Variants in ZNF99 observed in about 807,000 individuals in gnomAD.
The protein encoded by ZNF99 is zinc finger protein 99.
ZNF99 carries 8 observed loss-of-function variants against 12.8 expected under a neutral mutation model. The observed-to-expected ratio is 0.62, with a 90% CI of 0.37 to 1.13. The LOEUF (loss-of-function observed/expected upper bound fraction) is 1.13. Ranked by LOEUF, ZNF99 falls within the 50% of genes most tolerant of loss-of-function variation. The probability of loss-of-function intolerance (pLI) is 0.02; values close to 1 mark genes in which losing one functional copy is unlikely to be tolerated. For missense variants in ZNF99, 1,007 were observed against 1,006.2 expected (o/e 1.00, Z -0.01); for synonymous variants, 318 against 319.0 (o/e 1.00, Z 0.03).
chr19:22,781,438 C>T (rs1973387071), intron 1 of ZNF99, among the ~76,000 whole-genome samples: 1 of 110,640 alleles, frequency 9.0e-6, no homozygotes, highest in African/African-American at 3.3e-5. Context: ...TCGTTTGGGA[C>T]ACTATTTTTG....
At chr19:22,771,714 C>CG (rs1973272712) in intron 1 of ZNF99, among the ~76,000 whole-genome samples, 1 of 91,142 alleles carries the variant, frequency 1.1e-5, no homozygotes. Context: ...ACAGGTGAAA[C>CG]TTTTTTTTTT....
At position 22,759,253 on chromosome 19, in the gene ZNF99, T is replaced by C; in HGVS notation, c.656A>G (p.His219Arg). Reference protein sequence around the residue: ...AFKWFSTLIKHKIIHTEDKPY... With the variant: ...AFKWFSTLIKRKIIHTEDKPY... The stretch of plus-strand genomic sequence containing the variant: ...TTTGTCTTCAGTATGAATTATCTTA[T>C]GTTTAATAAGGGTTGAGAACCATTT... The change falls in exon 4 of 4, where the codon CAT (histidine) becomes CGT (arginine). Residue 219 changes from histidine (H) to arginine (R), a missense_variant. His to Arg is a conservative substitution (Grantham distance 29). Transcript: ENST00000596209. 2 of 1,554,234 alleles carry C rather than the reference T, an allele frequency of 1.3e-6. No individual in the cohort carries two copies. The highest frequency in any genetic ancestry group is 1.7e-6 in the Non-Finnish European group (2 of 1,150,140).
chr19:22,772,808 G>T (rs1410485724), intron 1 of ZNF99, among the ~76,000 whole-genome samples: 2 of 152,128 alleles, frequency 1.3e-5, no homozygotes, highest in African/African-American at 4.8e-5. Flanking sequence ...TGAAAACCTG[G>T]ATTCAGAATT....
chr19:22,768,497 C>T, intron 2 of ZNF99, 97 bp from the exon 3 acceptor site: 1 of 935,392 alleles, frequency 1.1e-6, no homozygotes. Flanking sequence ...GTAAATTGAT[C>T]CCTCAATACT....
rs1396699559 is a variant in ZNF99, at chr19:22,759,059, G to C, written c.850C>G (p.Pro284Ala). 1 of 1,613,580 alleles carries C rather than the reference G, an allele frequency of 6.2e-7. No homozygotes were observed. Among genetic ancestry groups the C allele is most frequent in the Non-Finnish European group, 8.5e-7 (1 of 1,179,766 alleles). Residue 284 changes from proline to alanine, a missense_variant, in exon 4 of 4, where the codon CCA (proline) becomes GCA (alanine). Transcript: ENST00000596209. ...KHKIIHTGKKPYKCEECGKAF... is the reference protein window; with the variant it reads ...KHKIIHTGKKAYKCEECGKAF... Reference sequence around the variant, plus strand: ...TTGCCACATTCTTCACATTTATATGGTTTCTTCCCAGTATGAATTATCTTA... The same window carrying C: ...TTGCCACATTCTTCACATTTATATGCTTTCTTCCCAGTATGAATTATCTTA...
Position 22,756,184 on chromosome 19 carries a change from T to C in ZNF99, c.*1130A>G. The stretch of plus-strand genomic sequence containing the variant: ...TAAGGTTTGTAAAATGGTTGAAAGC[T>C]TTGACACATTCTTCACATTTTTAGG... On this transcript the variant is annotated 3_prime_UTR_variant, in exon 4 of 4. Transcript: ENST00000596209. 6.4e-7 allele frequency: 1 copy of C among 1,555,336 alleles called. No homozygotes were observed. Among genetic ancestry groups the C allele is most frequent in the Non-Finnish European group, 8.7e-7 (1 of 1,145,020 alleles).
At chr19:22,769,850 A>C in intron 1 of ZNF99, 2 of 1,318,384 alleles carry the variant, frequency 1.5e-6, no homozygotes, top group Non-Finnish European at 2.0e-6. Context: ...AAGATCCACA[A>C]CACCAGCACA....
intron 1 of ZNF99, chr19:22,769,890 T>C (rs751584585): frequency 2.7e-5 from 36 of 1,356,866 alleles, no homozygotes; most frequent in Non-Finnish European, 3.4e-5. Context: ...TAATAAAGTA[T>C]AAAATTAAGG....
chr19:22,779,173 CT>C (rs1304142541), intron 1 of ZNF99, among the ~76,000 whole-genome samples: 1 of 152,108 alleles, frequency 6.6e-6, no homozygotes, highest in African/African-American at 2.4e-5. Context: ...CTTTTCTTAC[CT>C]ATCACATAGC....
At position 22,758,138 on chromosome 19, in the gene ZNF99, T is replaced by C. The variant is rs1849613316; in HGVS notation, c.1771A>G (p.Lys591Glu). 6.2e-7 allele frequency: 1 copy of C among 1,613,658 alleles called. No individual in the cohort carries two copies. ...CCACATTCTTCACATTTGTAGGGTTTCTCCCCAGTATGAATTGCTTTATGT... is the reference window on the plus strand; with the variant it reads ...CCACATTCTTCACATTTGTAGGGTTCCTCCCCAGTATGAATTGCTTTATGT... ...TRHKAIHTGE[K>E]PYKCEECGKA... The change falls in exon 4 of 4, where the codon AAA becomes GAA. Residue 591 changes from lysine to glutamate, a missense_variant. Coordinates refer to ENST00000596209, the MANE Select transcript of ZNF99 (RefSeq NM_001080409.3).
intron 1 of ZNF99, among the ~76,000 whole-genome samples, chr19:22,771,963 G>A (rs866583343): frequency 2.2e-3 from 300 of 135,148 alleles, no homozygotes; most frequent in African/African-American, 7.7e-3. Flanking sequence ...TGATCCGCCC[G>A]CCTCGGCCTC....
At position 22,756,834 on chromosome 19, in the gene ZNF99, G is replaced by C; in HGVS notation, c.*480C>G. ...AATTATCTCATGTTTTCTAAGGGCT[G>C]AGAAATGCTTAAAAGCTTTGCCACA... On this transcript the variant is annotated 3_prime_UTR_variant, in exon 4 of 4. Transcript: ENST00000596209. The C allele has an allele frequency of 6.2e-7, 1 of 1,611,536 alleles. No homozygotes were observed.
At position 22,759,081 on chromosome 19, in the gene ZNF99, C is replaced by G. The variant is rs756243801; in HGVS notation, c.828G>C (p.Lys276Asn). The G allele has an allele frequency of 6.2e-7, 1 of 1,613,510 alleles. No individual in the cohort carries two copies. Among genetic ancestry groups the G allele is most frequent in the Admixed American group, 1.7e-5 (1 of 59,980 alleles). Residue 276 changes from lysine to asparagine, a missense_variant, in exon 4 of 4, where the codon AAG becomes AAC. Coordinates refer to ENST00000596209, the MANE Select transcript of ZNF99 (RefSeq NM_001080409.3). ...FNNSSTLMKH[K>N]IIHTGKKPYK... ...ATGGTTTCTTCCCAGTATGAATTAT[C>G]TTATGTTTCATAAGGGTTGAGGAAT...
At position 22,756,242 on chromosome 19, in the gene ZNF99, G is replaced by GT. The variant is rs780017104; in HGVS notation, c.*1071dup. 72 of 1,541,872 alleles carry GT rather than the reference G, an allele frequency of 4.7e-5. 2 individuals carry two copies. The East Asian group carries it at 1.4e-3, about 31-fold the overall frequency. On this transcript the variant is annotated 3_prime_UTR_variant, in exon 4 of 4. Coordinates refer to ENST00000596209, the MANE Select transcript of ZNF99 (RefSeq NM_001080409.3). Reference sequence around the variant, plus strand: ...CCCAGTATGAATTATCTTATGTTTAGTAAGGGCTGAAAGATGGTTAAAAGC... The same window carrying GT: ...CCCAGTATGAATTATCTTATGTTTAGTTAAGGGCTGAAAGATGGTTAAAAGC...
chr19:22,774,971 A>G (rs771318782), intron 1 of ZNF99, among the ~76,000 whole-genome samples: 1 of 152,250 alleles, frequency 6.6e-6, no homozygotes, highest in Non-Finnish European at 1.5e-5. Context: ...CAAAATCATT[A>G]AAATGGCCAT....
rs1973117090 is a variant in ZNF99, at chr19:22,759,004, C to A, written c.905G>T (p.Arg302Ile). The change falls in exon 4 of 4, where the codon AGA (arginine) becomes ATA (isoleucine). Residue 302 changes from arginine to isoleucine, a missense_variant. Arg to Ile is a moderately conservative substitution (Grantham distance 97, BLOSUM62 -3). Coordinates refer to ENST00000596209, the MANE Select transcript of ZNF99 (RefSeq NM_001080409.3). ...KAFKQSSHLT[R>I]HKAIHTGEKP... ...CTCTCCAGTATGAATTGCTTTATGT[C>A]TAGTAAGGTGTGAGGATTGCTTAAA... 1 of 1,610,440 alleles carries A rather than the reference C, an allele frequency of 6.2e-7. No homozygotes were observed.
At position 22,754,460 on chromosome 19, in the gene ZNF99, T is replaced by G. The variant is rs1369613162; in HGVS notation, c.*2854A>C. 1 of 407,736 alleles carries G rather than the reference T, an allele frequency of 2.5e-6. No individual in the cohort carries two copies. The highest frequency in any genetic ancestry group is 4.8e-6 in the Non-Finnish European group (1 of 207,432). 25.3% of individuals were successfully genotyped at this position (407,736 alleles called of 1,614,324 possible). The stretch of plus-strand genomic sequence containing the variant: ...ATGTGTAATAAGGGTTGAAATGTTT[T>G]TAAAGCTTTTGTCACATTCTTCATA... On this transcript the variant is annotated 3_prime_UTR_variant, in exon 4 of 4. Transcript: ENST00000596209.
rs62119151 is a variant in ZNF99 at position 22,757,174 on chromosome 19, C to A, written c.*140G>T. 4.3e-6 allele frequency: 7 copies of A among 1,610,854 alleles called. No homozygotes were observed. In the Admixed American group the frequency reaches 1.2e-4, roughly 27 times the overall value. On this transcript the variant is annotated 3_prime_UTR_variant, in exon 4 of 4. Coordinates refer to ENST00000596209, the MANE Select transcript of ZNF99 (RefSeq NM_001080409.3). Reference sequence around the variant, plus strand: ...CTTTATGTCTAGTAAGGTGTGAGGACTGCTTAAAAGCTTTGCCACATTCTT... The same window carrying A: ...CTTTATGTCTAGTAAGGTGTGAGGAATGCTTAAAAGCTTTGCCACATTCTT...
Position 22,758,569 on chromosome 19 carries a change from T to C in ZNF99, c.1340A>G (p.His447Arg). 6.2e-7 allele frequency: 1 copy of C among 1,613,408 alleles called. No homozygotes were observed. The highest frequency in any genetic ancestry group is 8.5e-7 in the Non-Finnish European group (1 of 1,179,668). Residue 447 changes from histidine to arginine, a missense_variant, in exon 4 of 4, where the codon CAT (histidine) becomes CGT (arginine). Transcript: ENST00000596209. ...ACATTTGTAGGGTTGCTTTCCAGTA[T>C]GAATTATCTTATGTTTTCTAAGGGC... ...FSALRKHKIIHTGKQPYKCEE... is the reference protein window; with the variant it reads ...FSALRKHKIIRTGKQPYKCEE...
Sources: allele counts gnomAD v4.1 joint callset (sites outside exome capture counted in the v4.1 genomes callset), GRCh38; gene constraint gnomAD v4.1.1; transcripts MANE v1.5; gene names NCBI Gene and HGNC (gene_info 2026-07-23, HGNC 2026-07-21).